The following LPP variants were observed in gnomAD, a reference collection of about 807,000 sequenced individuals.
LPP encodes the protein LIM domain containing preferred translocation partner in lipoma.
LPP carries 38 observed loss-of-function variants against 60.4 expected under a neutral mutation model. That is an observed-to-expected ratio of 0.63 (90% CI 0.49 to 0.83). The LOEUF is 0.83. LPP is among the 40% of genes least tolerant of loss of function. The probability of loss-of-function intolerance (pLI) is 0.00; values close to 1 mark genes in which losing one functional copy is unlikely to be tolerated. For synonymous variants in LPP, 328 were observed against 290.8 expected (o/e 1.13, Z -1.30); for missense variants, 902 against 783.6 (o/e 1.15, Z -1.80).
chr3:188,652,053 C>G (rs1057281195), intron 7 of LPP, among the ~76,000 whole-genome samples: 1 of 152,174 alleles, frequency 6.6e-6, no homozygotes, highest in East Asian at 1.9e-4. Flanking sequence ...TCTAAAGCCA[C>G]AGGACTGTCC....
chr3:188,295,945 C>T (rs574985870), intron 2 of LPP, among the ~76,000 whole-genome samples: 2 of 152,260 alleles, frequency 1.3e-5, no homozygotes, highest in Admixed American at 1.3e-4. Flanking sequence ...TCCTGAGCCT[C>T]ACTTTCACCA....
At chr3:188,580,399 G>T (rs1835801266) in intron 6 of LPP, among the ~76,000 whole-genome samples, 1 of 152,056 alleles carries the variant, frequency 6.6e-6, no homozygotes, top group South Asian at 2.1e-4. Context: ...TGACCTCATT[G>T]TCTATACGAG....
intron 2 of LPP, among the ~76,000 whole-genome samples, chr3:188,281,601 C>CAAAAAAAAAAA (rs1167297915): frequency 1.5e-5 from 1 of 66,550 alleles, no homozygotes; most frequent in African/African-American, 6.5e-5. Context: ...AAGACTCTAC[C>CAAAAAAAAAAA]AAAAAAAAAA....
At chr3:188,354,636 C>G (rs1766969999) in intron 3 of LPP, among the ~76,000 whole-genome samples, 1 of 152,032 alleles carries the variant, frequency 6.6e-6, no homozygotes, top group African/African-American at 2.4e-5. Context: ...AGATGGAAAC[C>G]AAACACTATC....
chr3:188,477,662 A>C (rs1803590285), intron 4 of LPP, among the ~76,000 whole-genome samples: 1 of 152,178 alleles, frequency 6.6e-6, no homozygotes, highest in Non-Finnish European at 1.5e-5. Flanking sequence ...TTTTGTGCAT[A>C]TGTGTTATTT....
At chr3:188,743,200 T>C (rs1295400116) in intron 8 of LPP, among the ~76,000 whole-genome samples, 1 of 152,140 alleles carries the variant, frequency 6.6e-6, no homozygotes, top group Admixed American at 6.6e-5. Flanking sequence ...TTTAAGAAAT[T>C]AAAACATTTT....
intron 7 of LPP, among the ~76,000 whole-genome samples, chr3:188,638,042 C>T (rs1292881478): frequency 2.0e-5 from 3 of 150,158 alleles, no homozygotes; most frequent in Non-Finnish European, 4.4e-5. Context: ...GATACCAAAG[C>T]CTGGCAGAGA....
chr3:188,649,268 A>G (rs1341757424), intron 7 of LPP, among the ~76,000 whole-genome samples: 1 of 152,232 alleles, frequency 6.6e-6, no homozygotes, highest in East Asian at 1.9e-4. Flanking sequence ...TTACAGGTAA[A>G]GGATGATGCT....
At chr3:188,318,849 C>A (rs1159248378) in intron 2 of LPP, among the ~76,000 whole-genome samples, 1 of 147,214 alleles carries the variant, frequency 6.8e-6, no homozygotes, top group African/African-American at 2.5e-5. Flanking sequence ...AGCTCCGCCT[C>A]CCGGGTTCAC....
intron 7 of LPP, among the ~76,000 whole-genome samples, chr3:188,638,094 A>ACAT (rs1233098572): frequency 6.8e-6 from 1 of 146,946 alleles, no homozygotes. Flanking sequence ...TCCTTGATGA[A>ACAT]CATTGATGCA....
At chr3:188,493,962 C>T (rs766347257) in intron 5 of LPP, among the ~76,000 whole-genome samples, 2 of 152,096 alleles carry the variant, frequency 1.3e-5, no homozygotes, top group Non-Finnish European at 2.9e-5. Flanking sequence ...TATAAATGCT[C>T]TATAAAACTG....
intron 4 of LPP, among the ~76,000 whole-genome samples, chr3:188,475,941 T>C (rs1803083861): frequency 6.6e-6 from 1 of 152,024 alleles, no homozygotes; most frequent in Non-Finnish European, 1.5e-5. Flanking sequence ...TGAAAAACAA[T>C]TTTTTATGTT....
intron 2 of LPP, among the ~76,000 whole-genome samples, chr3:188,309,166 G>T (rs559153502): frequency 6.6e-6 from 1 of 151,568 alleles, no homozygotes; most frequent in East Asian, 1.9e-4. Flanking sequence ...GATTATAGAC[G>T]TGCATGACCA....
intron 8 of LPP, among the ~76,000 whole-genome samples, chr3:188,743,087 T>C (rs1328241691): frequency 6.6e-6 from 1 of 152,178 alleles, no homozygotes; most frequent in Non-Finnish European, 1.5e-5. Flanking sequence ...TTGGTCCTAA[T>C]ATTTTAAAGT....
At chr3:188,417,739 A>G (rs1786692892) in intron 4 of LPP, among the ~76,000 whole-genome samples, 1 of 152,194 alleles carries the variant, frequency 6.6e-6, no homozygotes, top group Admixed American at 6.6e-5. Flanking sequence ...ATCTCTCTGC[A>G]CTTGTCTGTT....
At chr3:188,255,259 C>T (rs887468969) in intron 2 of LPP, among the ~76,000 whole-genome samples, 1 of 152,172 alleles carries the variant, frequency 6.6e-6, no homozygotes, top group Non-Finnish European at 1.5e-5. Flanking sequence ...CTTTTCAACA[C>T]CCACTCAAGA....
At chr3:188,605,458 C>A (rs1049554767) in intron 6 of LPP, among the ~76,000 whole-genome samples, 2 of 152,010 alleles carry the variant, frequency 1.3e-5, no homozygotes, top group African/African-American at 2.4e-5. Context: ...ATGATGAAAT[C>A]TGTTTTTAAT....
intron 5 of LPP, 34 bp from the exon 6 acceptor site, chr3:188,524,631 T>G: frequency 1.3e-6 from 2 of 1,581,066 alleles, no homozygotes; most frequent in Non-Finnish European, 1.7e-6. Context: ...AAGGGAAATT[T>G]CCTTTGTTAA....
At chr3:188,659,142 C>T (rs899034517) in intron 7 of LPP, among the ~76,000 whole-genome samples, 2 of 152,122 alleles carry the variant, frequency 1.3e-5, no homozygotes, top group African/African-American at 4.8e-5. Flanking sequence ...TGTAAAATAA[C>T]CTGTTAGGTA....
Sources: allele counts gnomAD v4.1 joint callset (sites outside exome capture counted in the v4.1 genomes callset), GRCh38; gene constraint gnomAD v4.1.1; transcripts MANE v1.5; gene names NCBI Gene and HGNC (gene_info 2026-07-23, HGNC 2026-07-21).